LRRC7: variants seen among roughly 807,000 people sequenced by gnomAD.
LRRC7 encodes leucine rich repeat containing 7.
In LRRC7, 23 loss-of-function variants were observed where a neutral mutation model predicts 175.7. The ratio of observed to expected loss-of-function variants is 0.13; its 90% confidence interval spans 0.09 to 0.19. LRRC7 has a LOEUF of 0.19. LRRC7 is among the 10% of genes least tolerant of loss of function. The probability of loss-of-function intolerance (pLI) is 1.00; values close to 1 mark genes in which losing one functional copy is unlikely to be tolerated. For synonymous variants in LRRC7, 685 were observed against 680.9 expected, an observed-to-expected ratio of 1.01 and a Z score of -0.09; for missense variants, 1,354 against 1,904.7, an observed-to-expected ratio of 0.71 and a Z score of 5.38.
chr1:69,616,610 G>A (rs1357333188), intron 1 of LRRC7, among the ~76,000 whole-genome samples: 1 of 152,008 alleles, frequency 6.6e-6, no homozygotes, highest in Non-Finnish European at 1.5e-5. Flanking sequence ...ATGAGGAAAG[G>A]TAATAATGTA....
At chr1:69,628,595 C>G (rs1455687266) in intron 1 of LRRC7, among the ~76,000 whole-genome samples, 1 of 152,128 alleles carries the variant, frequency 6.6e-6, no homozygotes, top group Non-Finnish European at 1.5e-5. Flanking sequence ...AAAATATCAT[C>G]ACGTTCTTTT....
At chr1:69,804,842 C>A (rs559393704) in intron 4 of LRRC7, among the ~76,000 whole-genome samples, 3 of 151,666 alleles carry the variant, frequency 2.0e-5, no homozygotes, top group South Asian at 4.2e-4. Context: ...GGAGACAATA[C>A]CTGGTCATAA....
chr1:70,092,510 G>A (rs1664103848), intron 25 of LRRC7, among the ~76,000 whole-genome samples: 1 of 152,126 alleles, frequency 6.6e-6, no homozygotes, highest in South Asian at 2.1e-4. Context: ...ATGTCTTAGA[G>A]GTACTGAGGA....
intron 7 of LRRC7, among the ~76,000 whole-genome samples, chr1:69,895,740 G>C (rs190212397): frequency 3.2e-4 from 48 of 152,080 alleles, no homozygotes; most frequent in Admixed American, 2.8e-3. Context: ...AATTATTCTG[G>C]GATTGATCCA....
At chr1:69,674,602 A>G (rs1288811603) in intron 1 of LRRC7, among the ~76,000 whole-genome samples, 2 of 152,200 alleles carry the variant, frequency 1.3e-5, no homozygotes, top group Admixed American at 1.3e-4. Flanking sequence ...AACTTTAGTT[A>G]ATTCATGATG....
At chr1:69,868,237 T>G (rs917402904) in intron 7 of LRRC7, among the ~76,000 whole-genome samples, 2 of 152,140 alleles carry the variant, frequency 1.3e-5, no homozygotes, top group African/African-American at 4.8e-5. Context: ...CAATAAAATT[T>G]CTATTATTTA....
chr1:69,599,274 G>T (rs549110590), intron 1 of LRRC7, among the ~76,000 whole-genome samples: 56 of 152,246 alleles, frequency 3.7e-4, no homozygotes, highest in Middle Eastern at 3.4e-3. Flanking sequence ...AAAAATAATT[G>T]TGTATATCTG....
At position 69,789,634 on chromosome 1, in the gene LRRC7, A is replaced by G. The variant is rs1392120452; in HGVS notation, c.304-2409A>G. Among the ~76,000 whole-genome samples, 4 of 152,060 alleles carry G rather than the reference A, an allele frequency of 2.6e-5. No individual in the cohort carries two copies. In the East Asian group the frequency reaches 7.7e-4, roughly 29 times the overall value. On this transcript the variant is annotated intron_variant, in intron 3 of 26. Transcript: ENST00000651989. ...CCTATTGAAGTTCCCAATCCAGTGA[A>G]CTACCACTCTTAGCTGGAATATAGC...
chr1:70,083,005 G>T (rs182973466), intron 24 of LRRC7, among the ~76,000 whole-genome samples: 1 of 151,400 alleles, frequency 6.6e-6, no homozygotes, highest in Non-Finnish European at 1.5e-5. Context: ...GGCTGGTCTC[G>T]AACTCCTGGG....
intron 4 of LRRC7, among the ~76,000 whole-genome samples, chr1:69,806,853 A>G (rs1308914546): frequency 2.0e-5 from 3 of 151,934 alleles, no homozygotes; most frequent in East Asian, 3.9e-4. Context: ...CATTTTTTCC[A>G]TCATCTTCTC....
At chr1:69,813,807 T>A (rs1001357140) in intron 4 of LRRC7, among the ~76,000 whole-genome samples, 1 of 152,068 alleles carries the variant, frequency 6.6e-6, no homozygotes, top group African/African-American at 2.4e-5. Context: ...AAATTTTTAG[T>A]GATATCTCAG....
intron 8 of LRRC7, among the ~76,000 whole-genome samples, chr1:69,971,158 A>G (rs1007041895): frequency 6.6e-6 from 1 of 152,214 alleles, no homozygotes; most frequent in African/African-American, 2.4e-5. Flanking sequence ...TAACAAATCC[A>G]TAGCCAGCAT....
chr1:69,986,590 T>C (rs1042526181), intron 10 of LRRC7, among the ~76,000 whole-genome samples: 2 of 152,184 alleles, frequency 1.3e-5, no homozygotes, highest in African/African-American at 4.8e-5. Context: ...AGAAGGCTCT[T>C]CTGTTAAAAT....
chr1:69,905,411 C>A (rs927792558), intron 7 of LRRC7, among the ~76,000 whole-genome samples: 2 of 152,080 alleles, frequency 1.3e-5, no homozygotes, highest in Non-Finnish European at 2.9e-5. Flanking sequence ...TCCCCGCTCC[C>A]ACCACCCCAC....
chr1:69,714,488 G>A (rs548132762), intron 2 of LRRC7, among the ~76,000 whole-genome samples: 6 of 152,144 alleles, frequency 3.9e-5, no homozygotes, highest in African/African-American at 1.4e-4. Flanking sequence ...CAATTTAGAG[G>A]ACAGTGAAAT....
rs1452244257 is a variant in LRRC7 at position 70,125,756 on chromosome 1, C to A, written c.*3869C>A. On this transcript the variant is annotated 3_prime_UTR_variant, in exon 27 of 27. Coordinates refer to ENST00000651989, the MANE Select transcript of LRRC7 (RefSeq NM_001370785.2). ...GCAGTGAGCCGAGATCCCGCCACTG[C>A]ACTCCAGCCTGGGCGACAGAGCGAG... Among the ~76,000 whole-genome samples, 1 of 127,646 alleles carries A rather than the reference C, an allele frequency of 7.8e-6. No homozygotes were observed. The highest frequency in any genetic ancestry group is 1.6e-5 in the Non-Finnish European group (1 of 63,538). 83.7% of individuals were successfully genotyped at this position (127,646 alleles called of 152,430 possible).
chr1:69,781,774 AAAGAAAGAAAGAAAGGAAGG>A, intron 3 of LRRC7, among the ~76,000 whole-genome samples: 3 of 60,038 alleles, frequency 5.0e-5, no homozygotes, highest in African/African-American at 7.7e-5. Flanking sequence ...AGAAAGAAAG[AAAGAAAGAAAGAAAGGAAGG>A]AAGGAAGGAA....
intron 8 of LRRC7, among the ~76,000 whole-genome samples, chr1:69,941,802 GT>G (rs1316477621): frequency 1.3e-5 from 2 of 151,928 alleles, no homozygotes; most frequent in Admixed American, 6.6e-5. Flanking sequence ...TTACATTTTG[GT>G]TTCATGCTCT....
chr1:69,897,686 A>C (rs1390071392), intron 7 of LRRC7, among the ~76,000 whole-genome samples: 2 of 152,236 alleles, frequency 1.3e-5, no homozygotes, highest in African/African-American at 4.8e-5. Flanking sequence ...TTTATAAAAA[A>C]AAATGTTCTA....
Sources: gnomAD v4.1 joint callset for allele counts (sites outside exome capture counted in the v4.1 genomes callset) on GRCh38, gnomAD v4.1.1 for gene constraint, MANE v1.5 for transcripts, NCBI Gene and HGNC (gene_info 2026-07-23, HGNC 2026-07-21) for gene names.